Variants in KIF16B observed in about 807,000 individuals in gnomAD.
KIF16B encodes kinesin family member 16B.
KIF16B carries 98 observed loss-of-function variants against 156.3 expected under a neutral mutation model. That is an observed-to-expected ratio of 0.63 (90% CI 0.53 to 0.74). The LOEUF (loss-of-function observed/expected upper bound fraction) is 0.74, where lower values mean the gene tolerates loss of function less well. KIF16B is among the 30% of genes least tolerant of loss of function. The pLI, the probability that KIF16B is intolerant of heterozygous loss-of-function variation, is 0.00. For missense variants in KIF16B, 1,421 were observed against 1,606.5 expected (o/e 0.88, Z 1.97); for synonymous variants, 564 against 583.7 (o/e 0.97, Z 0.49).
chr20:16,403,990 T>C (rs1188675743), intron 17 of KIF16B, among the ~76,000 whole-genome samples: 2 of 152,136 alleles, frequency 1.3e-5, no homozygotes, highest in African/African-American at 4.8e-5. Flanking sequence ...GGAGAGCAAA[T>C]GTATAAATAT....
chr20:16,289,469 G>T (rs1302216524), intron 25 of KIF16B, among the ~76,000 whole-genome samples: 1 of 152,170 alleles, frequency 6.6e-6, no homozygotes, highest in African/African-American at 2.4e-5. Context: ...AATTTGAAAT[G>T]GCTTTTTTCC....
intron 6 of KIF16B, among the ~76,000 whole-genome samples, chr20:16,510,066 C>T (rs904957060): frequency 6.6e-6 from 1 of 152,096 alleles, no homozygotes; most frequent in Non-Finnish European, 1.5e-5. Context: ...GCTTAATAAT[C>T]CCTCTAATAA....
At chr20:16,564,559 G>A (rs563679488) in intron 1 of KIF16B, among the ~76,000 whole-genome samples, 1 of 151,900 alleles carries the variant, frequency 6.6e-6, no homozygotes, top group African/African-American at 2.4e-5. Flanking sequence ...TATACCTAAT[G>A]TTAAATGACG....
intron 12 of KIF16B, among the ~76,000 whole-genome samples, chr20:16,434,359 T>C (rs1158875671): frequency 1.3e-5 from 2 of 152,172 alleles, no homozygotes; most frequent in Non-Finnish European, 2.9e-5. Context: ...GTAACCACCG[T>C]AATGGTTTAT....
chr20:16,419,280 T>C (rs927593716), intron 15 of KIF16B, among the ~76,000 whole-genome samples: 2 of 152,116 alleles, frequency 1.3e-5, no homozygotes, highest in African/African-American at 4.8e-5. Context: ...TGATGAATGC[T>C]TAGGGTCAAG....
intron 1 of KIF16B, among the ~76,000 whole-genome samples, chr20:16,547,780 T>C (rs1373555668): frequency 6.6e-6 from 1 of 152,168 alleles, no homozygotes; most frequent in African/African-American, 2.4e-5. Flanking sequence ...CATCAGGGCA[T>C]CAACTGAAGG....
chr20:16,304,339 G>C (rs1457707101), intron 25 of KIF16B, among the ~76,000 whole-genome samples: 1 of 152,140 alleles, frequency 6.6e-6, no homozygotes, highest in Non-Finnish European at 1.5e-5. Context: ...GATTTCTGTT[G>C]TATAAAATGA....
At chr20:16,358,461 T>A (rs2064489108) in intron 22 of KIF16B, among the ~76,000 whole-genome samples, 1 of 152,202 alleles carries the variant, frequency 6.6e-6, no homozygotes, top group Admixed American at 6.5e-5. Context: ...CCAGGTGATG[T>A]TCACTTCAAG....
intron 25 of KIF16B, among the ~76,000 whole-genome samples, chr20:16,280,415 G>C (rs1325266183): frequency 6.6e-6 from 1 of 152,226 alleles, no homozygotes; most frequent in Non-Finnish European, 1.5e-5. Context: ...CTGAGCAAGA[G>C]AGCAAGGCCA....
chr20:16,485,642 C>G (rs73241916), intron 12 of KIF16B, among the ~76,000 whole-genome samples: 2,797 of 152,308 alleles, frequency 0.018, 85 homozygotes, highest in African/African-American at 0.064. Context: ...CAAACAACTT[C>G]TGCAGTAATG....
At chr20:16,479,572 C>T (rs1223621468) in intron 12 of KIF16B, among the ~76,000 whole-genome samples, 2 of 152,066 alleles carry the variant, frequency 1.3e-5, no homozygotes. Flanking sequence ...TACAGTTGTG[C>T]ACTACATAAC....
At chr20:16,433,723 C>T (rs1053704385) in intron 12 of KIF16B, among the ~76,000 whole-genome samples, 2 of 152,124 alleles carry the variant, frequency 1.3e-5, no homozygotes, top group Admixed American at 6.5e-5. Flanking sequence ...ATGATTAATG[C>T]TGCCCTAAAG....
In KIF16B at chr20:16,379,508, G is replaced by T; in HGVS notation, c.2494C>A (p.Gln832Lys). 6.2e-7 allele frequency: 1 copy of T among 1,614,092 alleles called. No homozygotes were observed. The highest frequency in any genetic ancestry group is 8.5e-7 in the Non-Finnish European group (1 of 1,180,016). ...QLRFFEFKRR[Q>K]LVKLVNLEKD... ...TCCAAGTTCACTAGCTTGACAAGCT[G>T]CCTTCTCTTGAATTCGAAGAAACGC... Residue 832 changes from glutamine (Q) to lysine (K), a missense_variant, in exon 19 of 26, where the codon CAG becomes AAG. By Grantham distance (53) the Gln-to-Lys change is moderately conservative. Transcript: ENST00000354981.
chr20:16,510,280 C>T (rs1368648165), intron 6 of KIF16B, among the ~76,000 whole-genome samples: 1 of 152,180 alleles, frequency 6.6e-6, no homozygotes, highest in Non-Finnish European at 1.5e-5. Flanking sequence ...CTATACCACA[C>T]ACCACAGAAC....
At position 16,439,467 on chromosome 20, in the gene KIF16B, C is replaced by T. The variant is rs148361545; in HGVS notation, c.1303-9485G>A. 3.9e-3 allele frequency among the ~76,000 whole-genome samples: 601 copies of T among 152,266 alleles called. 2 individuals are homozygous for T. The highest frequency in any genetic ancestry group is 0.014 in the African/African-American group (563 of 41,556). ...AACCTCATCTCCCCTTCACTTTCTA[C>T]CTGACAATCACAGCGGCCTCCTCAT... On this transcript the variant is annotated intron_variant, in intron 12 of 25. Transcript: ENST00000354981.
intron 23 of KIF16B, among the ~76,000 whole-genome samples, chr20:16,336,273 T>C (rs1028207595): frequency 1.3e-5 from 2 of 152,164 alleles, no homozygotes; most frequent in Non-Finnish European, 2.9e-5. Flanking sequence ...CATCTCTTAA[T>C]TGGTTATAAA....
chr20:16,339,001 G>T (rs1470929741), intron 23 of KIF16B, among the ~76,000 whole-genome samples: 1 of 152,214 alleles, frequency 6.6e-6, no homozygotes, highest in African/African-American at 2.4e-5. Context: ...AAGGACAGAA[G>T]TGGAGTGGCA....
intron 12 of KIF16B, among the ~76,000 whole-genome samples, chr20:16,464,615 G>A (rs1187106343): frequency 6.6e-6 from 1 of 152,102 alleles, no homozygotes; most frequent in Non-Finnish European, 1.5e-5. Context: ...ACACAGTTTT[G>A]CAAAATTCCT....
chr20:16,460,518 C>T (rs1043480979), intron 12 of KIF16B, among the ~76,000 whole-genome samples: 2 of 151,828 alleles, frequency 1.3e-5, no homozygotes, highest in African/African-American at 2.4e-5. Flanking sequence ...GCGGAGATCG[C>T]ACCACTGCAC....
Sources: allele counts gnomAD v4.1 joint callset (sites outside exome capture counted in the v4.1 genomes callset), GRCh38; gene constraint gnomAD v4.1.1; transcripts MANE v1.5; gene names NCBI Gene and HGNC (gene_info 2026-07-23, HGNC 2026-07-21).